The following SLC13A3 variants were observed in gnomAD, a reference collection of about 807,000 sequenced individuals.
SLC13A3 encodes Na(+)/dicarboxylate cotransporter 3.
Under a neutral mutation model 59.0 loss-of-function variants are expected in SLC13A3, and 40 were observed. That is an observed-to-expected ratio of 0.68 (90% CI 0.53 to 0.88). The LOEUF (loss-of-function observed/expected upper bound fraction) is 0.88, where lower values mean the gene tolerates loss of function less well. SLC13A3 is among the 40% of genes least tolerant of loss of function. The pLI, the probability that SLC13A3 is intolerant of heterozygous loss-of-function variation, is 0.00. For missense variants in SLC13A3, 699 were observed against 783.2 expected, an observed-to-expected ratio of 0.89 and a Z score of 1.28; for synonymous variants, 317 against 330.3, an observed-to-expected ratio of 0.96 and a Z score of 0.44.
At chr20:46,603,387 T>A (rs566293617) in intron 3 of SLC13A3, among the ~76,000 whole-genome samples, 1 of 152,172 alleles carries the variant, frequency 6.6e-6, no homozygotes, top group South Asian at 2.1e-4. Flanking sequence ...AAAAAATTTT[T>A]GTTTTGAGAT....
chr20:46,647,459 C>G (rs1447751254), intron 1 of SLC13A3, among the ~76,000 whole-genome samples: 2 of 152,180 alleles, frequency 1.3e-5, no homozygotes, highest in Admixed American at 1.3e-4. Flanking sequence ...GATCACTCCC[C>G]AAACCTCTAA....
chr20:46,620,925 G>C (rs1200994343), intron 1 of SLC13A3, among the ~76,000 whole-genome samples: 1 of 152,142 alleles, frequency 6.6e-6, no homozygotes, highest in East Asian at 1.9e-4. Context: ...TTTCTTCTAA[G>C]AATTGTAACA....
chr20:46,575,544 T>C (rs1460523260), intron 10 of SLC13A3, 29 bp downstream of exon 10: 2 of 1,399,498 alleles, frequency 1.4e-6, no homozygotes, highest in Non-Finnish European at 2.0e-6. Flanking sequence ...CCACTGTTCC[T>C]GCTGGTTGGG....
At chr20:46,624,545 A>G (rs971527361) in intron 1 of SLC13A3, among the ~76,000 whole-genome samples, 4 of 152,248 alleles carry the variant, frequency 2.6e-5, no homozygotes, top group African/African-American at 9.6e-5. Context: ...ATGCTATTAC[A>G]CAAGGGGGAG....
intron 1 of SLC13A3, 46 bp downstream of exon 1, chr20:46,651,265 T>C (rs1600616824): frequency 1.4e-6 from 2 of 1,444,444 alleles, no homozygotes; most frequent in East Asian, 2.9e-5. Flanking sequence ...GAGAAGAGGA[T>C]CCCGCCTGTG....
Position 46,632,912 on chromosome 20 carries a change from TA to T in SLC13A3, c.111+18398del, listed in dbSNP as rs2062757412. On this transcript the variant is annotated intron_variant, in intron 1 of 12. Transcript: ENST00000279027. ...AGATAGATAGATAGATAGATAGATATATCTATCTATCTATCTATCTATCTAT... is the reference window on the plus strand; with the variant it reads ...AGATAGATAGATAGATAGATAGATATTCTATCTATCTATCTATCTATCTAT... Among the ~76,000 whole-genome samples, 313 of 56,328 alleles carry T rather than the reference TA, an allele frequency of 5.6e-3. 3 individuals carry two copies. The highest frequency in any genetic ancestry group is 0.021 in the Middle Eastern group (2 of 96). The allele number at this position is 56,328 out of a possible 152,430, so 37.0% of individuals were successfully genotyped here.
intron 1 of SLC13A3, among the ~76,000 whole-genome samples, chr20:46,663,444 C>CAA (rs11086176): frequency 4.1e-5 from 5 of 122,214 alleles, no homozygotes; most frequent in African/African-American, 2.8e-5. Context: ...GACCCTGTTT[C>CAA]AAAAAAAAAA....
At chr20:46,644,648 C>T (rs2062876530) in intron 1 of SLC13A3, among the ~76,000 whole-genome samples, 1 of 152,240 alleles carries the variant, frequency 6.6e-6, no homozygotes, top group Non-Finnish European at 1.5e-5. Flanking sequence ...GGTGAAGACA[C>T]TCTTCCTGCA....
chr20:46,647,713 C>T lies in SLC13A3; in HGVS notation c.111+3598G>A, dbSNP rs932542251. 4.6e-5 allele frequency among the ~76,000 whole-genome samples: 7 copies of T among 152,142 alleles called. No homozygotes were observed. In the East Asian group the frequency reaches 7.7e-4, roughly 17 times the overall value. On this transcript the variant is annotated intron_variant, in intron 1 of 12. Coordinates refer to ENST00000279027, the MANE Select transcript of SLC13A3 (RefSeq NM_022829.6). ...CTCTGCAGATTGACTCCAGCCTCCCCGAAGACAAGCTCACCAGTCACCAGG... is the reference window on the plus strand; with the variant it reads ...CTCTGCAGATTGACTCCAGCCTCCCTGAAGACAAGCTCACCAGTCACCAGG...
At chr20:46,606,435 C>G (rs541126803) in intron 3 of SLC13A3, among the ~76,000 whole-genome samples, 4 of 152,248 alleles carry the variant, frequency 2.6e-5, no homozygotes, top group African/African-American at 7.2e-5. Context: ...CATTAAAGAC[C>G]CTTGTGTTGT....
upstream of SLC13A3, among the ~76,000 whole-genome samples, chr20:46,652,547 A>AT (rs11471373): frequency 0.05 from 5,896 of 117,698 alleles, 172 homozygotes; most frequent in East Asian, 0.075. Context: ...TATCTGGCTA[A>AT]TTTTTTTTTT....
At chr20:46,579,355 C>T (rs1308613210) in intron 9 of SLC13A3, among the ~76,000 whole-genome samples, 1 of 152,144 alleles carries the variant, frequency 6.6e-6, no homozygotes, top group East Asian at 1.9e-4. Flanking sequence ...GAACTCCTGA[C>T]CTCAAGCAAT....
chr20:46,647,449 GATC>G (rs2062906313), intron 1 of SLC13A3, among the ~76,000 whole-genome samples: 1 of 152,164 alleles, frequency 6.6e-6, no homozygotes, highest in Non-Finnish European at 1.5e-5. Flanking sequence ...CACTAGCTAA[GATC>G]ACTCCCCAAA....
chr20:46,563,610 A>AGAGAG lies in SLC13A3; in HGVS notation c.1495-60_1495-59insCTCTC, dbSNP rs1555874375. The AGAGAG allele has an allele frequency of 1.6e-4, 89 of 560,450 alleles. No homozygotes were observed. In the African/African-American group the frequency reaches 3.1e-3, roughly 20 times the overall value. 34.7% of individuals were successfully genotyped at this position (560,450 alleles called of 1,614,324 possible). The stretch of plus-strand genomic sequence containing the variant: ...GAGACCAACGCAGAGCGACCACAGC[A>AGAGAG]AGAGGGAGAGAGAGAGAGAGAGGCA... On this transcript the variant is annotated intron_variant, in intron 11 of 12. Transcript: ENST00000279027.
intron 8 of SLC13A3, chr20:46,585,448 C>T (rs561866350): frequency 6.5e-5 from 65 of 996,716 alleles, no homozygotes; most frequent in African/African-American, 5.9e-4. Context: ...AATATGTTGA[C>T]GTGATCACAT....
chr20:46,612,017 C>A (rs553205031), intron 2 of SLC13A3, among the ~76,000 whole-genome samples: 13 of 151,816 alleles, frequency 8.6e-5, no homozygotes, highest in Admixed American at 6.6e-4. Flanking sequence ...GGTGTATGAG[C>A]AGTGCCTGAG....
Position 46,594,401 on chromosome 20 carries a change from A to T in SLC13A3, c.794+1756T>A, listed in dbSNP as rs563420130. Among the ~76,000 whole-genome samples the T allele has an allele frequency of 2.0e-5, 3 of 152,228 alleles. No individual in the cohort carries two copies. The East Asian group carries it at 5.8e-4, about 29-fold the overall frequency. The stretch of plus-strand genomic sequence containing the variant: ...AGGCAGGCAGCCTGTAAACGCTTTG[A>T]CAACAACTGCTCCCCTCCAATTCTC... On this transcript the variant is annotated intron_variant, in intron 5 of 12. Coordinates refer to ENST00000279027, the MANE Select transcript of SLC13A3 (RefSeq NM_022829.6).
upstream of SLC13A3, among the ~76,000 whole-genome samples, chr20:46,652,495 G>T (rs1426494234): frequency 6.6e-6 from 1 of 151,424 alleles, no homozygotes; most frequent in Non-Finnish European, 1.5e-5. Context: ...CCGGGTTCAA[G>T]CAATTCTTCT....
intron 1 of SLC13A3, among the ~76,000 whole-genome samples, chr20:46,661,795 C>T (rs1005838544): frequency 6.6e-6 from 1 of 152,262 alleles, no homozygotes; most frequent in African/African-American, 2.4e-5. Context: ...GAGGGAATCT[C>T]TCAATTCTTC....
Sources: allele counts gnomAD v4.1 joint callset (sites outside exome capture counted in the v4.1 genomes callset), GRCh38; gene constraint gnomAD v4.1.1; transcripts MANE v1.5; gene names NCBI Gene and HGNC (gene_info 2026-07-23, HGNC 2026-07-21).